The following KLHL1 variants were observed in gnomAD, a reference collection of about 807,000 sequenced individuals.
The protein encoded by KLHL1 is kelch like family member 1, also known as kelch-like protein 1.
Under a neutral mutation model 77.7 loss-of-function variants are expected in KLHL1, and 47 were observed. The observed-to-expected ratio is 0.60, with a 90% confidence interval of 0.48 to 0.77. KLHL1 has a LOEUF of 0.77. Ranked by LOEUF, KLHL1 falls within the 30% of genes least tolerant of loss-of-function variation. KLHL1 has a pLI of 0.00. For missense variants in KLHL1, 925 were observed against 910.8 expected, an observed-to-expected ratio of 1.02 and a Z score of -0.20; for synonymous variants, 360 against 325.2, an observed-to-expected ratio of 1.11 and a Z score of -1.15.
chr13:70,005,061 A>T (rs1885375633), intron 1 of KLHL1, among the ~76,000 whole-genome samples: 1 of 151,798 alleles, frequency 6.6e-6, no homozygotes, highest in African/African-American at 2.4e-5. Context: ...AGGTTTTTGT[A>T]TTGCAAAATG....
intron 2 of KLHL1, among the ~76,000 whole-genome samples, chr13:69,965,637 G>A (rs1362386641): frequency 1.3e-5 from 2 of 152,192 alleles, no homozygotes; most frequent in African/African-American, 4.8e-5. Flanking sequence ...AGGGAGACAT[G>A]TAGAAAGTGG....
intron 4 of KLHL1, among the ~76,000 whole-genome samples, chr13:69,888,663 A>C (rs1205099014): frequency 6.6e-6 from 1 of 152,074 alleles, no homozygotes; most frequent in Non-Finnish European, 1.5e-5. Context: ...TTTAGGAAAA[A>C]ACATGACCCT....
chr13:69,903,349 C>T (rs1189545838), intron 4 of KLHL1, among the ~76,000 whole-genome samples: 1 of 152,136 alleles, frequency 6.6e-6, no homozygotes, highest in African/African-American at 2.4e-5. Context: ...AATTCCAGCT[C>T]ATTTAAACAA....
At chr13:69,980,368 A>G (rs967497754) in intron 1 of KLHL1, among the ~76,000 whole-genome samples, 1 of 152,148 alleles carries the variant, frequency 6.6e-6, no homozygotes, top group Non-Finnish European at 1.5e-5. Flanking sequence ...TCCCATTGCC[A>G]ACCAGTTCCT....
chr13:69,827,656 A>G (rs113997946), intron 6 of KLHL1, among the ~76,000 whole-genome samples: 2,252 of 150,440 alleles, frequency 0.015, 54 homozygotes, highest in African/African-American at 0.051. Flanking sequence ...CGTGAACCCC[A>G]GGAGTCAGAG....
At chr13:69,934,225 G>A (rs1004928801) in intron 4 of KLHL1, among the ~76,000 whole-genome samples, 4 of 152,060 alleles carry the variant, frequency 2.6e-5, no homozygotes, top group Admixed American at 1.3e-4. Flanking sequence ...GGTAAGGCTC[G>A]CCATCAGTAA....
rs185621265 is a variant in KLHL1 at position 69,891,312 on chromosome 13, A to G, written c.1015-8817T>C. ...CTATATTTTTACAAAATATGAGAGT[A>G]TTAATTTTTTAAAAAAGAAGAATTT... On this transcript the variant is annotated intron_variant, in intron 4 of 10. Transcript: ENST00000377844. Among the ~76,000 whole-genome samples the G allele has an allele frequency of 4.5e-4, 68 of 152,196 alleles. 1 individual carries two copies. The highest frequency in any genetic ancestry group is 1.5e-3 in the African/African-American group (63 of 41,556).
chr13:70,108,274 T>A lies in KLHL1; in HGVS notation c.-575A>T, dbSNP rs544745914. The A allele has an allele frequency of 4.3e-5, 16 of 372,374 alleles. No individual in the cohort carries two copies. Among genetic ancestry groups the A allele is most frequent in the Admixed American group, 3.7e-4 (8 of 21,878 alleles). 23.1% of individuals were successfully genotyped at this position (372,374 alleles called of 1,614,324 possible). On this transcript the variant is annotated 5_prime_UTR_variant, in exon 1 of 11. The change creates a new upstream start codon in the 5' untranslated region. Coordinates refer to ENST00000377844, the MANE Select transcript of KLHL1 (RefSeq NM_020866.3). ...TGCACCTGCGCCCCTGTCCCTGGCC[T>A]TTTCGAGGATGCCCCGATAGCCTGC...
At chr13:69,821,991 A>G (rs953769081) in intron 6 of KLHL1, among the ~76,000 whole-genome samples, 32 of 152,074 alleles carry the variant, frequency 2.1e-4, no homozygotes, top group Admixed American at 1.3e-4. Context: ...CGAAGTCAGG[A>G]GTTTGAGACC....
chr13:70,036,912 CA>C (rs1323969310), intron 1 of KLHL1, among the ~76,000 whole-genome samples: 2 of 131,846 alleles, frequency 1.5e-5, no homozygotes, highest in Non-Finnish European at 3.1e-5. Context: ...AGTGTTACCC[CA>C]AAATTAATGT....
At chr13:69,898,104 G>T (rs1881713361) in intron 4 of KLHL1, among the ~76,000 whole-genome samples, 1 of 152,230 alleles carries the variant, frequency 6.6e-6, no homozygotes, top group Non-Finnish European at 1.5e-5. Context: ...AGAGATCTCA[G>T]AGTGTGGTTA....
chr13:69,788,837 T>C (rs1361815983), intron 7 of KLHL1, among the ~76,000 whole-genome samples: 2 of 152,138 alleles, frequency 1.3e-5, no homozygotes, highest in Non-Finnish European at 2.9e-5. Context: ...ATAAGATAGG[T>C]AATCTTTAAA....
chr13:69,924,681 G>A (rs936756363), intron 4 of KLHL1, among the ~76,000 whole-genome samples: 3 of 152,196 alleles, frequency 2.0e-5, no homozygotes, highest in African/African-American at 7.2e-5. Flanking sequence ...CACAAACAGA[G>A]CTGAAACACG....
At chr13:69,875,242 T>C (rs568935252) in intron 5 of KLHL1, among the ~76,000 whole-genome samples, 2 of 152,150 alleles carry the variant, frequency 1.3e-5, no homozygotes, top group Non-Finnish European at 2.9e-5. Context: ...GTACATTTAA[T>C]AATTATAAAA....
chr13:69,848,213 T>C (rs773669730), intron 5 of KLHL1, among the ~76,000 whole-genome samples: 3 of 151,518 alleles, frequency 2.0e-5, no homozygotes, highest in Non-Finnish European at 4.4e-5. Flanking sequence ...TTCAAAGACA[T>C]ACAGAGAGAA....
intron 7 of KLHL1, among the ~76,000 whole-genome samples, chr13:69,756,526 C>A (rs1226942858): frequency 6.6e-6 from 1 of 151,930 alleles, no homozygotes; most frequent in East Asian, 1.9e-4. Context: ...TTAAAACTTG[C>A]TGTATATATA....
rs1339089939 is a variant in KLHL1 at position 69,740,441 on chromosome 13, A to G, written c.1755T>C (p.Ser585=). The G allele has an allele frequency of 6.2e-7, 1 of 1,611,426 alleles. No individual in the cohort carries two copies. ...CAACTGTGCTCCGAGCAATTGACAT[A>G]CTGGCTACAAATGTCCATTGTTGAC... ...PQSQQWTFVA[S]MSIARSTVGV... is the part of the protein sequence containing the mutation. Residue 585 remains serine (S), a synonymous_variant, in exon 8 of 11, where the codon AGT becomes AGC. Coordinates refer to ENST00000377844, the MANE Select transcript of KLHL1 (RefSeq NM_020866.3).
At chr13:69,779,345 C>G (rs2137998661) in intron 7 of KLHL1, among the ~76,000 whole-genome samples, 1 of 151,334 alleles carries the variant, frequency 6.6e-6, no homozygotes, top group East Asian at 2.0e-4. Context: ...TCCTTCCTTC[C>G]CTCCTCTTTT....
intron 1 of KLHL1, among the ~76,000 whole-genome samples, chr13:70,095,282 A>G (rs1887760018): frequency 1.3e-5 from 2 of 152,288 alleles, no homozygotes; most frequent in Admixed American, 6.5e-5. Flanking sequence ...AGTTTTCAAG[A>G]GGAAATATAA....
Sources: allele counts gnomAD v4.1 joint callset (sites outside exome capture counted in the v4.1 genomes callset), GRCh38; gene constraint gnomAD v4.1.1; transcripts MANE v1.5; gene names NCBI Gene and HGNC (gene_info 2026-07-23, HGNC 2026-07-21).